Variants in FRMPD4 observed in about 807,000 individuals in gnomAD.
The protein encoded by FRMPD4 is FERM and PDZ domain-containing protein 4.
FRMPD4 carries 22 observed loss-of-function variants against 94.1 expected under a neutral mutation model. That is an observed-to-expected ratio of 0.23 (90% CI 0.17 to 0.33). The LOEUF (loss-of-function observed/expected upper bound fraction) is 0.33. Among genes scored for constraint, FRMPD4 ranks in the 10% least tolerant of loss-of-function variants. The pLI is 1.00. For synonymous variants in FRMPD4, 631 were observed against 548.6 expected (o/e 1.15, Z -2.10); for missense variants, 1,111 against 1,339.9 (o/e 0.83, Z 2.67).
chrX:11,953,747 T>C (rs1236447497), intron 3 of FRMPD4, among the ~76,000 whole-genome samples: 3 of 111,646 alleles, frequency 2.7e-5, no homozygotes, highest in Non-Finnish European at 5.6e-5. Context: ...CCAGTTCTCT[T>C]AAGGGGCCAT....
intron 1 of FRMPD4, among the ~76,000 whole-genome samples, chrX:12,360,651 A>G (rs925009830): frequency 2.7e-5 from 3 of 111,807 alleles, no homozygotes; most frequent in African/African-American, 9.8e-5. Context: ...CTTAACAGGT[A>G]CTAAAATCTC....
In FRMPD4 at chrX:11,845,559, G is replaced by T. The variant is rs1238941990; in HGVS notation, c.-160-19527G>T. On this transcript the variant is annotated intron_variant, in intron 1 of 18. Coordinates refer to the FRMPD4 transcript ENST00000640291. ...CCAGCATCATCCTGATACCAAAGCCGGGCAGAGACACAACCAAAAAAGAGA... is the reference window on the plus strand; with the variant it reads ...CCAGCATCATCCTGATACCAAAGCCTGGCAGAGACACAACCAAAAAAGAGA... Among the ~76,000 whole-genome samples, 48 of 106,593 alleles carry T rather than the reference G, an allele frequency of 4.5e-4. 1 individual carries two copies. The highest frequency in any genetic ancestry group is 1.6e-3 in the African/African-American group (46 of 29,271). 92.6% of individuals were successfully genotyped at this position (106,593 alleles called of 115,157 possible).
At chrX:12,598,652 A>T (rs2059055976) in intron 2 of FRMPD4, among the ~76,000 whole-genome samples, 2 of 111,940 alleles carry the variant, frequency 1.8e-5, no homozygotes, top group Non-Finnish European at 3.8e-5. Context: ...AACCCAAAAC[A>T]GAAAAGATGT....
chrX:12,057,617 A>G lies in FRMPD4; in HGVS notation c.95+179599A>G, dbSNP rs146978621. On this transcript the variant is annotated intron_variant, in intron 3 of 18. Coordinates refer to the FRMPD4 transcript ENST00000640291. Reference sequence around the variant, plus strand: ...AACAGTGGCTTAAAACAGCACATTTATTCTCTGAATTTCCATGGGTCAGGA... The same window carrying G: ...AACAGTGGCTTAAAACAGCACATTTGTTCTCTGAATTTCCATGGGTCAGGA... Among the ~76,000 whole-genome samples, 796 of 111,581 alleles carry G rather than the reference A, an allele frequency of 7.1e-3. 12 individuals carry two copies. The highest frequency in any genetic ancestry group is 0.024 in the African/African-American group (748 of 30,753).
At chrX:12,225,676 T>C (rs1366607391) in intron 1 of FRMPD4, among the ~76,000 whole-genome samples, 1 of 112,124 alleles carries the variant, frequency 8.9e-6, no homozygotes, top group Non-Finnish European at 1.9e-5. Context: ...CTACTTCTTT[T>C]ATACAGAGCT....
intron 3 of FRMPD4, among the ~76,000 whole-genome samples, chrX:12,100,582 G>A (rs1280806043): frequency 2.7e-5 from 3 of 111,212 alleles, no homozygotes; most frequent in Non-Finnish European, 5.7e-5. Flanking sequence ...AAACCTCAAA[G>A]GCCAGAGCAC....
At chrX:12,415,689 A>ACT (rs1291357803) in intron 1 of FRMPD4, among the ~76,000 whole-genome samples, 2 of 112,057 alleles carry the variant, frequency 1.8e-5, no homozygotes, top group Admixed American at 9.4e-5. Flanking sequence ...GTGTTTGATT[A>ACT]TAATGCCCAG....
At chrX:12,529,066 T>C (rs989954618) in intron 2 of FRMPD4, among the ~76,000 whole-genome samples, 6 of 112,653 alleles carry the variant, frequency 5.3e-5, no homozygotes, top group Non-Finnish European at 1.1e-4. Flanking sequence ...CCTGGCTAAG[T>C]GGATCCTCCA....
chrX:11,958,879 A>T (rs778655837), intron 3 of FRMPD4, among the ~76,000 whole-genome samples: 3 of 112,239 alleles, frequency 2.7e-5, no homozygotes, highest in Non-Finnish European at 5.6e-5. Context: ...ATTTTGTGAT[A>T]GTATATGAAC....
At position 12,717,815 on chromosome X, in the gene FRMPD4, A is replaced by T; in HGVS notation, c.2989A>T (p.Met997Leu). 8.3e-7 allele frequency: 1 copy of T among 1,211,329 alleles called. No individual in the cohort carries two copies. ...GTTACTTCACTCAGACCACATGGAG[A>T]TGGAGCCTGAAACTATGGAGACTAA... Reference protein sequence around the residue: ...KQLLHSDHMEMEPETMETKSV... With the variant: ...KQLLHSDHMELEPETMETKSV... The change falls in exon 16 of 17, where the codon ATG becomes TTG. Residue 997 changes from methionine (M) to leucine (L), a missense_variant. Physicochemically the swap from Met to Leu is conservative, Grantham distance 15 (BLOSUM62 2). Transcript: ENST00000675598.
intron 3 of FRMPD4, among the ~76,000 whole-genome samples, chrX:11,999,281 T>TGCCACTCAATCTAAAAG (rs2054511918): frequency 9.0e-6 from 1 of 111,721 alleles, no homozygotes; most frequent in South Asian, 3.7e-4. Context: ...GTCCATGATG[T>TGCCACTCAATCTAAAAG]GCCACTCAAT....
intron 1 of FRMPD4, among the ~76,000 whole-genome samples, chrX:12,388,850 T>TATATATATATATATACAC (rs1491368741): frequency 4.8e-4 from 35 of 73,444 alleles, no homozygotes; most frequent in African/African-American, 2.2e-3. Flanking sequence ...TATATATATA[T>TATATATATATATATACAC]ACACACAATG....
At chrX:11,825,300 ACTCT>A (rs953338055) in intron 1 of FRMPD4, among the ~76,000 whole-genome samples, 2 of 104,236 alleles carry the variant, frequency 1.9e-5, no homozygotes, top group Non-Finnish European at 3.9e-5. Context: ...GCTTGTGTGA[ACTCT>A]CTCTATACAT....
At chrX:12,137,630 G>A (rs760296615), upstream of FRMPD4, among the ~76,000 whole-genome samples, 44 of 111,709 alleles carry the variant, frequency 3.9e-4, no homozygotes, top group African/African-American at 1.4e-3. Context: ...GAAGAAAAAG[G>A]GGCCCAATGA....
chrX:12,009,357 A>G (rs1270180171), intron 3 of FRMPD4, among the ~76,000 whole-genome samples: 1 of 112,475 alleles, frequency 8.9e-6, no homozygotes, highest in Non-Finnish European at 1.9e-5. Flanking sequence ...ATTCCTACTT[A>G]TATGTCAAAA....
chrX:12,170,453 G>T (rs2056202025), intron 1 of FRMPD4, among the ~76,000 whole-genome samples: 1 of 111,348 alleles, frequency 9.0e-6, no homozygotes, highest in African/African-American at 3.3e-5. Context: ...ATGAGGAATG[G>T]TTTGGATGCT....
In FRMPD4 at chrX:12,555,530, G is replaced by A. The variant is rs996281903; in HGVS notation, c.159-54191G>A. Among the ~76,000 whole-genome samples the A allele has an allele frequency of 7.1e-5, 8 of 112,154 alleles. No individual in the cohort carries two copies. In the South Asian group the frequency reaches 1.8e-3, roughly 26 times the overall value. ...TTAAGATAAACTGATGGATTCAGAA[G>A]CATTCCTCTTGTCTAAAACTTTGCA... is the stretch of plus-strand genomic sequence containing the variant. On this transcript the variant is annotated intron_variant, in intron 2 of 16. Coordinates refer to ENST00000675598, the MANE Select transcript of FRMPD4 (RefSeq NM_001368397.1).
At chrX:12,479,757 C>A (rs1390845087) in intron 1 of FRMPD4, among the ~76,000 whole-genome samples, 1 of 110,026 alleles carries the variant, frequency 9.1e-6, no homozygotes, top group African/African-American at 3.3e-5. Context: ...ACCTTGGCCT[C>A]CCAAAGTATT....
intron 1 of FRMPD4, among the ~76,000 whole-genome samples, chrX:12,267,509 C>CTT (rs976458803): frequency 1.8e-5 from 2 of 112,476 alleles, no homozygotes; most frequent in African/African-American, 6.5e-5. Context: ...TACTAGTTCA[C>CTT]TTTTGGGTTA....
Sources: gnomAD v4.1 joint callset for allele counts (sites outside exome capture counted in the v4.1 genomes callset) on GRCh38, gnomAD v4.1.1 for gene constraint, MANE v1.5 for transcripts, NCBI Gene and HGNC (gene_info 2026-07-23, HGNC 2026-07-21) for gene names.